RBFOX1: variants seen among roughly 807,000 people sequenced by gnomAD.
RBFOX1 encodes the protein RNA binding protein fox-1 homolog 1.
Under a neutral mutation model 57.7 loss-of-function variants are expected in RBFOX1, and 8 were observed. The observed-to-expected ratio is 0.14, with a 90% CI of 0.08 to 0.25. RBFOX1 has a LOEUF of 0.25. Ranked by LOEUF, RBFOX1 falls within the 10% of genes least tolerant of loss-of-function variation. RBFOX1 has a pLI of 1.00. For synonymous variants in RBFOX1, 326 were observed against 222.4 expected (o/e 1.47, Z -4.15); for missense variants, 611 against 548.5 (o/e 1.11, Z -1.14).
At chr16:6,240,600 G>A (rs2097535098) in intron 1 of RBFOX1, among the ~76,000 whole-genome samples, 1 of 151,888 alleles carries the variant, frequency 6.6e-6, no homozygotes, top group Non-Finnish European at 1.5e-5. Flanking sequence ...TTCACCCCAG[G>A]CCCTTTCCCA....
At chr16:5,632,598 A>G (rs2048549191) in intron 3 of RBFOX1, 2 of 152,150 alleles carry the variant, frequency 1.3e-5, no homozygotes, top group African/African-American at 2.4e-5. Context: ...TTATCTGGAA[A>G]TAGCACTCAC....
At chr16:6,670,312 C>T (rs1342710553) in intron 3 of RBFOX1, among the ~76,000 whole-genome samples, 1 of 152,034 alleles carries the variant, frequency 6.6e-6, no homozygotes, top group Admixed American at 6.6e-5. Context: ...TCAAGCAGTC[C>T]TTCCATCTTG....
At chr16:6,744,362 T>G (rs1363556921) in intron 3 of RBFOX1, among the ~76,000 whole-genome samples, 1 of 152,148 alleles carries the variant, frequency 6.6e-6, no homozygotes, top group Non-Finnish European at 1.5e-5. Context: ...AATTAATGAC[T>G]GTAGAACCCT....
At chr16:6,403,603 T>A (rs2534741) in intron 2 of RBFOX1, among the ~76,000 whole-genome samples, 11,261 of 152,078 alleles carry the variant, frequency 0.074, 1,065 homozygotes, top group East Asian at 0.23. Flanking sequence ...GATCCTCCTG[T>A]CTTGACCTCC....
intron 1 of RBFOX1, among the ~76,000 whole-genome samples, chr16:6,238,049 C>T (rs1197334935): frequency 6.8e-6 from 1 of 147,380 alleles, no homozygotes; most frequent in Non-Finnish European, 1.5e-5. Context: ...TGAAATCGCG[C>T]CACTGTACTC....
At chr16:5,602,878 G>C (rs2047412114), downstream of RBFOX1, among the ~76,000 whole-genome samples, 1 of 152,160 alleles carries the variant, frequency 6.6e-6, no homozygotes, top group South Asian at 2.1e-4. Context: ...AGTGTGTTCT[G>C]GACTGTTAAG....
chr16:5,773,545 T>C (rs1430409221), intron 3 of RBFOX1, among the ~76,000 whole-genome samples: 1 of 152,220 alleles, frequency 6.6e-6, no homozygotes, highest in East Asian at 1.9e-4. Flanking sequence ...TTTTTATTGA[T>C]GGACATTTAG....
chr16:6,136,419 A>G (rs1004083952), intron 1 of RBFOX1, among the ~76,000 whole-genome samples: 1 of 152,300 alleles, frequency 6.6e-6, no homozygotes, highest in Admixed American at 6.5e-5. Flanking sequence ...AAGTTGAGAC[A>G]TACTGAGGCA....
chr16:7,325,596 G>C, intron 4 of RBFOX1, among the ~76,000 whole-genome samples: 1 of 152,122 alleles, frequency 6.6e-6, no homozygotes, highest in East Asian at 1.9e-4. Flanking sequence ...TCTCTTCTCC[G>C]GGTGTCTTTT....
intron 1 of RBFOX1, among the ~76,000 whole-genome samples, chr16:6,184,306 C>T (rs1310546199): frequency 6.6e-6 from 1 of 152,024 alleles, no homozygotes; most frequent in Non-Finnish European, 1.5e-5. Context: ...GACATCATGC[C>T]CATTTAAAAT....
intron 4 of RBFOX1, among the ~76,000 whole-genome samples, chr16:6,010,759 G>C (rs937588994): frequency 6.6e-6 from 1 of 152,176 alleles, no homozygotes; most frequent in Non-Finnish European, 1.5e-5. Flanking sequence ...TTATGTTCAG[G>C]TTCCAGAATC....
chr16:6,450,773 A>ATATATATACATATATATATG lies in RBFOX1; in HGVS notation c.-64+133724_-64+133725insCATATATATATGTATATATA, dbSNP rs2094577610. 2.6e-4 allele frequency among the ~76,000 whole-genome samples: 10 copies of ATATATATACATATATATATG among 38,544 alleles called. 1 individual carries two copies. The highest frequency in any genetic ancestry group is 1.5e-3 in the African/African-American group (9 of 5,996). The allele number at this position is 38,544 out of a possible 152,430, so 25.3% of individuals were successfully genotyped here. On this transcript the variant is annotated intron_variant, in intron 2 of 15. Transcript: ENST00000550418. ...TATATACATATATATATGTGTATATATATATATATATATATACATATATAT... is the reference window on the plus strand; with the variant it reads ...TATATACATATATATATGTGTATATATATATATACATATATATATGTATATATATATATATACATATATAT...
rs2046041956 is a variant in RBFOX1 at position 7,041,138 on chromosome 16, G to T, written c.-15-10919G>T. On this transcript the variant is annotated intron_variant, in intron 3 of 15. Transcript: ENST00000550418. ...TTTAGTAAATACGGGGTTTCACCAT[G>T]TTGGTCAGGCTGGTGTCGAACATCT... Among the ~76,000 whole-genome samples the T allele has an allele frequency of 6.6e-5, 8 of 122,056 alleles. No individual in the cohort carries two copies. The Admixed American group carries it at 8.2e-4, about 13-fold the overall frequency. The allele number at this position is 122,056 out of a possible 152,430, so 80.1% of individuals were successfully genotyped here.
chr16:6,068,305 C>G (rs942633782), intron 1 of RBFOX1, among the ~76,000 whole-genome samples: 8 of 152,154 alleles, frequency 5.3e-5, no homozygotes, highest in Non-Finnish European at 1.0e-4. Context: ...CCAGGTCGCA[C>G]TAACACAGCC....
rs149297298 is a variant in RBFOX1, at chr16:5,793,565, C to T, written c.319-73738C>T. Among the ~76,000 whole-genome samples, 4 of 152,270 alleles carry T rather than the reference C, an allele frequency of 2.6e-5. No individual in the cohort carries two copies. In the East Asian group the frequency reaches 5.8e-4, roughly 22 times the overall value. The stretch of plus-strand genomic sequence containing the variant: ...TCCTGAGAAGAGGTGGGCGTCCCTC[C>T]CTCTTCAGCCCCCAGGCCCCTCTCT... On this transcript the variant is annotated intron_variant, in intron 3 of 19. Transcript: ENST00000641259.
intron 3 of RBFOX1, among the ~76,000 whole-genome samples, chr16:5,823,811 G>T (rs1231794078): frequency 6.6e-6 from 1 of 152,166 alleles, no homozygotes; most frequent in South Asian, 2.1e-4. Context: ...AGGAAAACAA[G>T]CTCAGGGCTC....
At chr16:6,135,763 C>A (rs902830976) in intron 1 of RBFOX1, among the ~76,000 whole-genome samples, 5 of 148,128 alleles carry the variant, frequency 3.4e-5, no homozygotes, top group Middle Eastern at 3.6e-3. Context: ...AGGGGAATTC[C>A]TGGAGATGGC....
chr16:6,210,002 T>C (rs1360540473), intron 1 of RBFOX1, among the ~76,000 whole-genome samples: 1 of 152,006 alleles, frequency 6.6e-6, no homozygotes, highest in Non-Finnish European at 1.5e-5. Flanking sequence ...CTTCTCCATC[T>C]AGGAACATGA....
At chr16:5,644,496 T>C (rs2048984196) in intron 3 of RBFOX1, among the ~76,000 whole-genome samples, 1 of 151,208 alleles carries the variant, frequency 6.6e-6, no homozygotes, top group Non-Finnish European at 1.5e-5. Flanking sequence ...AAGTTCCACC[T>C]TAAAGTCCAG....
Sources: allele counts gnomAD v4.1 joint callset (sites outside exome capture counted in the v4.1 genomes callset), GRCh38; gene constraint gnomAD v4.1.1; transcripts MANE v1.5; gene names NCBI Gene and HGNC (gene_info 2026-07-23, HGNC 2026-07-21).